The following STAT3 variants were observed in gnomAD, a reference collection of about 807,000 sequenced individuals.
STAT3 encodes DNA-binding protein APRF.
Under a neutral mutation model 114.3 loss-of-function variants are expected in STAT3, and 7 were observed. The observed-to-expected ratio is 0.06, with a 90% CI of 0.03 to 0.11. The LOEUF (loss-of-function observed/expected upper bound fraction) is 0.11. STAT3 is among the 10% of genes least tolerant of loss of function. The pLI is 1.00. For missense variants in STAT3, 364 were observed against 960.9 expected (o/e 0.38, Z 8.21); for synonymous variants, 331 against 354.5 (o/e 0.93, Z 0.74).
At chr17:42,327,442 A>G (rs2081778757) in intron 14 of STAT3, among the ~76,000 whole-genome samples, 1 of 152,178 alleles carries the variant, frequency 6.6e-6, no homozygotes, top group African/African-American at 2.4e-5. Context: ...GTGTATCTGC[A>G]GTGTATTCCT....
chr17:42,323,565 T>C lies in STAT3; in HGVS notation c.1653+8A>G. ...CCATTCCCACGAGAATTTAACAAGATTGCTTACTTTGCAAAATTTAGCCCA... is the reference window on the plus strand; with the variant it reads ...CCATTCCCACGAGAATTTAACAAGACTGCTTACTTTGCAAAATTTAGCCCA... On this transcript the variant is annotated splice_region_variant and intron_variant, in intron 18 of 23. Transcript: ENST00000264657. The C allele has an allele frequency of 6.2e-7, 1 of 1,614,054 alleles. No individual in the cohort carries two copies. The highest frequency in any genetic ancestry group is 8.5e-7 in the Non-Finnish European group (1 of 1,179,930).
intron 4 of STAT3, among the ~76,000 whole-genome samples, chr17:42,343,256 G>C (rs2082529716): frequency 6.6e-6 from 1 of 151,350 alleles, no homozygotes; most frequent in African/African-American, 2.4e-5. Context: ...TAAAAAGCAG[G>C]GGGTCACGGA....
At chr17:42,367,816 G>A (rs1412620175) in intron 1 of STAT3, among the ~76,000 whole-genome samples, 2 of 152,078 alleles carry the variant, frequency 1.3e-5, no homozygotes, top group African/African-American at 4.8e-5. Context: ...AGCAACTACA[G>A]AATGCTCAAA....
intron 23 of STAT3, chr17:42,316,355 C>G (rs1443483428): frequency 5.5e-6 from 2 of 363,378 alleles, no homozygotes; most frequent in Non-Finnish European, 1.1e-5. Context: ...CCCACCTCAG[C>G]TTCTTGAGTA....
chr17:42,367,889 T>C (rs1329322805), intron 1 of STAT3, among the ~76,000 whole-genome samples: 3 of 152,200 alleles, frequency 2.0e-5, no homozygotes, highest in East Asian at 1.9e-4. Context: ...ACTTTTAGCA[T>C]AGAGAAAACT....
At chr17:42,356,036 G>A (rs1005613075) in intron 1 of STAT3, among the ~76,000 whole-genome samples, 3 of 151,972 alleles carry the variant, frequency 2.0e-5, no homozygotes, top group Non-Finnish European at 4.4e-5. Context: ...ATAAATACAT[G>A]CATTTTAAAT....
chr17:42,384,132 A>ATTTTTTTTT (rs371933640), intron 1 of STAT3, among the ~76,000 whole-genome samples: 2 of 134,910 alleles, frequency 1.5e-5, no homozygotes, highest in Non-Finnish European at 3.1e-5. Flanking sequence ...TTATTTATTT[A>ATTTTTTTTT]TTTTTTTTTT....
chr17:42,340,520 AAT>A (rs1491398671), intron 4 of STAT3, among the ~76,000 whole-genome samples: 1 of 151,672 alleles, frequency 6.6e-6, no homozygotes, highest in African/African-American at 2.4e-5. Context: ...AAAAAAAAAA[AAT>A]TTTTTTTTAA....
intron 1 of STAT3, among the ~76,000 whole-genome samples, chr17:42,384,973 T>C (rs2085016542): frequency 6.6e-6 from 1 of 152,210 alleles, no homozygotes; most frequent in Non-Finnish European, 1.5e-5. Flanking sequence ...ATCTGTAGCA[T>C]TCAGCCTAGC....
intron 1 of STAT3, among the ~76,000 whole-genome samples, chr17:42,350,082 A>C (rs1313046398): frequency 6.6e-6 from 1 of 152,154 alleles, no homozygotes; most frequent in Non-Finnish European, 1.5e-5. Context: ...GAAGTTCTAA[A>C]AATAATTACA....
intron 4 of STAT3, among the ~76,000 whole-genome samples, chr17:42,341,055 C>T (rs976667388): frequency 6.6e-6 from 1 of 152,188 alleles, no homozygotes. Flanking sequence ...CCTATGGTTA[C>T]CAGCTCAAGC....
At position 42,314,269 on chromosome 17, in the gene STAT3, A is replaced by G. The variant is rs1349225947; in HGVS notation, c.*1476T>C. 5.1e-5 allele frequency: 12 copies of G among 233,192 alleles called. No individual in the cohort carries two copies. The Admixed American group carries it at 5.6e-4, about 11-fold the overall frequency. 14.4% of individuals were successfully genotyped at this position (233,192 alleles called of 1,614,324 possible). On this transcript the variant is annotated 3_prime_UTR_variant, in exon 24 of 24. Transcript: ENST00000264657. ...AAGACGCCATTACAAGTGCCACTGG[A>G]TATCACCAAGAAACTGGCTAAGAAC...
chr17:42,321,396 A>G (rs962251984), intron 21 of STAT3, among the ~76,000 whole-genome samples: 4 of 152,148 alleles, frequency 2.6e-5, no homozygotes, highest in Admixed American at 2.6e-4. Flanking sequence ...AAGTGCTAGG[A>G]CTATAGGCAT....
chr17:42,316,207 T>TA (rs1338772694), intron 23 of STAT3: 2 of 532,808 alleles, frequency 3.8e-6, no homozygotes, highest in Non-Finnish European at 5.4e-6. Flanking sequence ...AAAAAAAGAA[T>TA]AAAAAAAGGT....
intron 5 of STAT3, 59 bp downstream of exon 5, chr17:42,339,255 C>CAAAAAAA: frequency 1.5e-6 from 2 of 1,345,300 alleles, no homozygotes; most frequent in Non-Finnish European, 2.0e-6. Context: ...GACCCTGTCT[C>CAAAAAAA]AAAAAAAAAA....
At chr17:42,317,342 G>T in intron 21 of STAT3, 118 bp from the exon 22 acceptor site, 2 of 1,223,154 alleles carry the variant, frequency 1.6e-6, no homozygotes, top group Non-Finnish European at 1.2e-6. Context: ...CTCATGCCAA[G>T]ATTGTCTGGA....
Position 42,316,601 on chromosome 17 carries a change from A to G in STAT3, c.2257+188T>C, listed in dbSNP as rs772751087. 13 of 1,449,390 alleles carry G rather than the reference A, an allele frequency of 9.0e-6. No homozygotes were observed. The South Asian group carries it at 1.1e-4, about 12-fold the overall frequency. The allele number at this position is 1,449,390 out of a possible 1,614,324, so 89.8% of individuals were successfully genotyped here. On this transcript the variant is annotated intron_variant, in intron 23 of 23. Transcript: ENST00000264657. ...TATATTGTAAAAATTAAGTTCGTCT[A>G]TTTCCAGTGTGGCTGCTAGAAGATT...
chr17:42,356,446 C>A (rs2083229335), intron 1 of STAT3, among the ~76,000 whole-genome samples: 1 of 151,426 alleles, frequency 6.6e-6, no homozygotes, highest in Admixed American at 6.6e-5. Flanking sequence ...CACAGCGAGA[C>A]CCTGTCTCCG....
intron 1 of STAT3, among the ~76,000 whole-genome samples, chr17:42,353,607 C>G (rs1567736348): frequency 2.0e-5 from 3 of 152,116 alleles, no homozygotes; most frequent in Non-Finnish European, 4.4e-5. Flanking sequence ...CAGGGTCTCT[C>G]TCTGTCACCC....
Sources: allele counts gnomAD v4.1 joint callset (sites outside exome capture counted in the v4.1 genomes callset), GRCh38; gene constraint gnomAD v4.1.1; transcripts MANE v1.5; gene names NCBI Gene and HGNC (gene_info 2026-07-23, HGNC 2026-07-21).